TECRL: variants seen among roughly 807,000 people sequenced by gnomAD.
TECRL encodes the protein trans-2,3-enoyl-CoA reductase like, also known as trans-2,3-enoyl-CoA reductase-like.
A neutral mutation model predicts 52.8 loss-of-function variants in TECRL; 63 were observed. That is an observed-to-expected ratio of 1.19 (90% CI 0.97 to 1.47). TECRL has a LOEUF of 1.47. TECRL is among the 40% of genes most tolerant of loss of function. The pLI is 0.00. For missense variants in TECRL, 482 were observed against 429.6 expected, an observed-to-expected ratio of 1.12 and a Z score of -1.08; for synonymous variants, 164 against 141.9, an observed-to-expected ratio of 1.16 and a Z score of -1.10.
intron 5 of TECRL, among the ~76,000 whole-genome samples, chr4:64,310,178 C>T (rs1003157851): frequency 3.9e-5 from 6 of 152,038 alleles, no homozygotes; most frequent in Admixed American, 3.9e-4. Flanking sequence ...TTTTATAATA[C>T]CAGTCATAAA....
Position 64,387,396 on chromosome 4 carries a change from A to G in TECRL, c.235-12173T>C, listed in dbSNP as rs545942799. On this transcript the variant is annotated intron_variant, in intron 1 of 11. Coordinates refer to ENST00000381210, the MANE Select transcript of TECRL (RefSeq NM_001010874.5). ...TCTTTATGCAGATTTATGTGTGGACATAAGTTTTCAGCTCATTTGAGTAGA... is the reference window on the plus strand; with the variant it reads ...TCTTTATGCAGATTTATGTGTGGACGTAAGTTTTCAGCTCATTTGAGTAGA... Among the ~76,000 whole-genome samples the G allele has an allele frequency of 9.2e-5, 14 of 152,264 alleles. 1 individual carries two copies. In the South Asian group the frequency reaches 2.3e-3, roughly 25 times the overall value.
intron 1 of TECRL, among the ~76,000 whole-genome samples, chr4:64,406,073 A>G (rs999854337): frequency 2.0e-5 from 3 of 152,040 alleles, no homozygotes; most frequent in Non-Finnish European, 2.9e-5. Context: ...ATGAATACCT[A>G]AGGAAAGTAA....
At chr4:64,290,064 G>A (rs112022525) in intron 8 of TECRL, among the ~76,000 whole-genome samples, 1 of 152,180 alleles carries the variant, frequency 6.6e-6, no homozygotes, top group African/African-American at 2.4e-5. Context: ...GTTACTATGG[G>A]GAGACTTCCA....
intron 1 of TECRL, among the ~76,000 whole-genome samples, chr4:64,383,665 T>A (rs1375415282): frequency 6.6e-6 from 1 of 152,082 alleles, no homozygotes; most frequent in Non-Finnish European, 1.5e-5. Context: ...TTATTTGTAT[T>A]TTTTGTGCTC....
intron 8 of TECRL, chr4:64,298,798 G>A (rs1723838061): frequency 6.6e-6 from 1 of 150,966 alleles, no homozygotes; most frequent in South Asian, 2.1e-4. Flanking sequence ...TAACAAATAG[G>A]TGGTTATTAT....
At chr4:64,382,191 G>GTATATA (rs200934355) in intron 1 of TECRL, among the ~76,000 whole-genome samples, 32 of 13,342 alleles carry the variant, frequency 2.4e-3, no homozygotes, top group South Asian at 0.029. Context: ...GGAAATTTCT[G>GTATATA]TATATATATA....
At chr4:64,362,051 A>G (rs1200185962) in intron 2 of TECRL, among the ~76,000 whole-genome samples, 4 of 152,198 alleles carry the variant, frequency 2.6e-5, no homozygotes, top group African/African-American at 9.6e-5. Context: ...AGGAATTTCA[A>G]AATGCAATAG....
At chr4:64,352,521 T>C (rs760643295) in intron 2 of TECRL, among the ~76,000 whole-genome samples, 1 of 152,216 alleles carries the variant, frequency 6.6e-6, no homozygotes, top group Non-Finnish European at 1.5e-5. Flanking sequence ...AATTACTTTT[T>C]CACCAAGTAA....
intron 1 of TECRL, among the ~76,000 whole-genome samples, chr4:64,402,602 C>T (rs528839244): frequency 7.9e-5 from 12 of 152,012 alleles, no homozygotes; most frequent in South Asian, 6.2e-4. Flanking sequence ...CAGATTGTGA[C>T]GGAACACACT....
In TECRL at chr4:64,383,931, G is replaced by A. The variant is rs1187891291; in HGVS notation, c.235-8708C>T. ...TGTCCCTGTAGTGTTTGTTGGGCAG[G>A]GCACTTTGCCTTTGATTCTTGGTGG... On this transcript the variant is annotated intron_variant, in intron 1 of 11. Coordinates refer to ENST00000381210, the MANE Select transcript of TECRL (RefSeq NM_001010874.5). 2.0e-5 allele frequency among the ~76,000 whole-genome samples: 3 copies of A among 151,542 alleles called. No individual in the cohort carries two copies. The East Asian group carries it at 5.9e-4, about 30-fold the overall frequency.
At position 64,278,501 on chromosome 4, in the gene TECRL, T is replaced by A. The variant is rs1036967455; in HGVS notation, c.*1571A>T. ...TTTATTTTTTGAGCGACATAAGAAT[T>A]GAACATATTTGGGAGATACATAATA... On this transcript the variant is annotated 3_prime_UTR_variant, in exon 12 of 12. Coordinates refer to ENST00000381210, the MANE Select transcript of TECRL (RefSeq NM_001010874.5). 16 of 236,824 alleles carry A rather than the reference T, an allele frequency of 6.8e-5. No homozygotes were observed. Among genetic ancestry groups the A allele is most frequent in the African/African-American group, 3.5e-4 (15 of 42,976 alleles). The allele number at this position is 236,824 out of a possible 1,614,324, so 14.7% of individuals were successfully genotyped here.
At chr4:64,363,601 G>C (rs956026184) in intron 2 of TECRL, among the ~76,000 whole-genome samples, 22 of 152,068 alleles carry the variant, frequency 1.4e-4, no homozygotes, top group African/African-American at 5.3e-4. Context: ...TTTTAAAAGA[G>C]GAGAACAAAG....
intron 2 of TECRL, among the ~76,000 whole-genome samples, chr4:64,366,595 G>T (rs574051555): frequency 6.6e-6 from 1 of 152,060 alleles, no homozygotes; most frequent in African/African-American, 2.4e-5. Context: ...CATTAAAAAT[G>T]GGAAAATAAC....
At position 64,348,169 on chromosome 4, in the gene TECRL, G is replaced by C. The variant is rs758355266; in HGVS notation, c.287-19613C>G. On this transcript the variant is annotated intron_variant, in intron 2 of 11. Transcript: ENST00000381210. ...ACAAAGGAGCTTTCATTGAGTCATG[G>C]TTCCACATGGCTGAGGAGGTCTCAG... is the stretch of plus-strand genomic sequence containing the variant. Among the ~76,000 whole-genome samples the C allele has an allele frequency of 6.6e-4, 101 of 152,128 alleles. 1 individual carries two copies. The highest frequency in any genetic ancestry group is 6.6e-3 in the Admixed American group (101 of 15,264).
chr4:64,365,808 A>G (rs962419861), intron 2 of TECRL, among the ~76,000 whole-genome samples: 1 of 152,122 alleles, frequency 6.6e-6, no homozygotes, highest in African/African-American at 2.4e-5. Flanking sequence ...TACAGACCAA[A>G]GCGATGTACA....
intron 3 of TECRL, among the ~76,000 whole-genome samples, chr4:64,324,072 T>C (rs1373985340): frequency 6.6e-6 from 1 of 152,084 alleles, no homozygotes; most frequent in Non-Finnish European, 1.5e-5. Flanking sequence ...TTACAGACTT[T>C]AGACATAGTA....
At chr4:64,353,703 G>GA (rs1409412296) in intron 2 of TECRL, among the ~76,000 whole-genome samples, 5 of 152,138 alleles carry the variant, frequency 3.3e-5, no homozygotes, top group Admixed American at 2.0e-4. Context: ...ATGTACAGTG[G>GA]AAAGTTCTGG....
At position 64,281,581 on chromosome 4, in the gene TECRL, T is replaced by C. The variant is rs61736172; in HGVS notation, c.833-22A>G. The C allele has an allele frequency of 0.024, 31,833 of 1,344,000 alleles. 445 individuals carry two copies. Among genetic ancestry groups the C allele is most frequent in the Non-Finnish European group, 0.028 (26,329 of 943,204 alleles). 83.3% of individuals were successfully genotyped at this position (1,344,000 alleles called of 1,614,324 possible). ...TTTCCTTTTTCAAAGGAAAGTAAAATGTCAATGATGCTACACATTGCAAAT... is the reference window on the plus strand; with the variant it reads ...TTTCCTTTTTCAAAGGAAAGTAAAACGTCAATGATGCTACACATTGCAAAT... On this transcript the variant is annotated intron_variant, in intron 9 of 11. Transcript: ENST00000381210.
intron 1 of TECRL, among the ~76,000 whole-genome samples, chr4:64,390,372 TC>T (rs2109744282): frequency 6.6e-6 from 1 of 152,040 alleles, no homozygotes; most frequent in South Asian, 2.1e-4. Context: ...TGGAGCATGA[TC>T]ATGTAACTTG....
Sources: gnomAD v4.1 joint callset for allele counts (sites outside exome capture counted in the v4.1 genomes callset) on GRCh38, gnomAD v4.1.1 for gene constraint, MANE v1.5 for transcripts, NCBI Gene and HGNC (gene_info 2026-07-23, HGNC 2026-07-21) for gene names.